The following CFH variants were observed in gnomAD, a reference collection of about 807,000 sequenced individuals.
CFH encodes complement factor H.
A neutral mutation model predicts 147.3 loss-of-function variants in CFH; 53 were observed. The observed-to-expected ratio is 0.36, with a 90% CI of 0.29 to 0.45. CFH has a LOEUF of 0.45. Among genes scored for constraint, CFH ranks in the 20% least tolerant of loss-of-function variants. The probability of loss-of-function intolerance (pLI) is 1.00; values close to 1 mark genes in which losing one functional copy is unlikely to be tolerated. For missense variants in CFH, 1,380 were observed against 1,498.0 expected (o/e 0.92, Z 1.30); for synonymous variants, 536 against 489.4 (o/e 1.10, Z -1.26).
At chr1:196,704,642 A>G (rs1169104772) in intron 9 of CFH, among the ~76,000 whole-genome samples, 1 of 152,200 alleles carries the variant, frequency 6.6e-6, no homozygotes, top group African/African-American at 2.4e-5. Context: ...AGTTTTGTGC[A>G]GGAGTGGCGC....
intron 9 of CFH, among the ~76,000 whole-genome samples, chr1:196,699,563 A>G (rs192867858): frequency 6.6e-6 from 1 of 152,308 alleles, no homozygotes; most frequent in East Asian, 1.9e-4. Flanking sequence ...TCATTTATAG[A>G]TTACGCTCTT....
At chr1:196,691,665 C>A (rs1444680496) in intron 9 of CFH, among the ~76,000 whole-genome samples, 1 of 151,744 alleles carries the variant, frequency 6.6e-6, no homozygotes, top group Non-Finnish European at 1.5e-5. Context: ...TATAAAATCT[C>A]TTTTAATTAT....
intron 6 of CFH, among the ~76,000 whole-genome samples, chr1:196,680,914 A>G (rs1425068676): frequency 6.6e-6 from 1 of 151,872 alleles, no homozygotes; most frequent in Non-Finnish European, 1.5e-5. Context: ...CTCTACTTTT[A>G]GGCACTGTTA....
chr1:196,673,091 T>G lies in CFH; in HGVS notation c.172T>G (p.Ser58Ala), dbSNP rs141336681. 601 of 1,614,012 alleles carry G rather than the reference T, an allele frequency of 3.7e-4. No homozygotes were observed. Among genetic ancestry groups the G allele is most frequent in the Admixed American group, 9.7e-4 (58 of 60,014 alleles). Residue 58 changes from serine (S) to alanine (A), a missense_variant, in exon 2 of 22, where the codon TCT (serine) becomes GCT (alanine). Ser to Ala is a moderately conservative substitution (Grantham distance 99). Transcript: ENST00000367429. Reference sequence around the variant, plus strand: ...CTATAAATGCCGCCCTGGATATAGATCTCTTGGAAATGTAATAATGGTATG... The same window carrying G: ...CTATAAATGCCGCCCTGGATATAGAGCTCTTGGAAATGTAATAATGGTATG... ...AIYKCRPGYR[S>A]LGNVIMVCRK...
At chr1:196,657,544 T>G (rs1051197572) in intron 1 of CFH, among the ~76,000 whole-genome samples, 1 of 152,236 alleles carries the variant, frequency 6.6e-6, no homozygotes, top group Non-Finnish European at 1.5e-5. Flanking sequence ...GTGCAGATTT[T>G]GGCCTGTGTG....
intron 1 of CFH, among the ~76,000 whole-genome samples, chr1:196,659,379 T>C (rs943844184): frequency 2.6e-5 from 4 of 152,136 alleles, no homozygotes; most frequent in Non-Finnish European, 4.4e-5. Context: ...AGCCCCCAAA[T>C]TGGGTCTTAG....
intron 15 of CFH, among the ~76,000 whole-genome samples, chr1:196,732,826 A>T (rs929257790): frequency 3.9e-5 from 6 of 152,076 alleles, no homozygotes; most frequent in Non-Finnish European, 8.8e-5. Flanking sequence ...TTCTATTTTC[A>T]TAGTGAAAGT....
chr1:196,690,917 G>A (rs1474910777), intron 9 of CFH, among the ~76,000 whole-genome samples: 1 of 152,088 alleles, frequency 6.6e-6, no homozygotes, highest in African/African-American at 2.4e-5. Flanking sequence ...AAAGGAAGAT[G>A]CACCTGCCAT....
At chr1:196,698,843 C>A (rs905664323) in intron 9 of CFH, among the ~76,000 whole-genome samples, 1 of 152,144 alleles carries the variant, frequency 6.6e-6, no homozygotes. Context: ...ACTGGCAAAG[C>A]AAATCCAGCA....
At chr1:196,681,729 C>T (rs761453028) in intron 6 of CFH, among the ~76,000 whole-genome samples, 1 of 151,768 alleles carries the variant, frequency 6.6e-6, no homozygotes, top group Non-Finnish European at 1.5e-5. Context: ...GTTAAGCATA[C>T]ACTCTCTCAC....
At chr1:196,746,319 C>T (rs1379328223) in intron 21 of CFH, among the ~76,000 whole-genome samples, 5 of 152,036 alleles carry the variant, frequency 3.3e-5, no homozygotes, top group African/African-American at 1.2e-4. Flanking sequence ...GGCATGGTGA[C>T]GGGCACCTGT....
chr1:196,714,692 G>T (rs1275612588), intron 10 of CFH, among the ~76,000 whole-genome samples: 29 of 112,604 alleles, frequency 2.6e-4, no homozygotes, highest in East Asian at 4.9e-4. Flanking sequence ...GAGAGAGAGA[G>T]AGAGAGAGAG....
At chr1:196,726,087 C>A (rs1669129816) in intron 12 of CFH, among the ~76,000 whole-genome samples, 1 of 152,122 alleles carries the variant, frequency 6.6e-6, no homozygotes, top group Admixed American at 6.5e-5. Context: ...ATATTCAATT[C>A]AGTTGCTTGT....
intron 12 of CFH, 63 bp from the exon 13 acceptor site, chr1:196,726,407 A>C: frequency 7.9e-7 from 1 of 1,261,950 alleles, no homozygotes; most frequent in Non-Finnish European, 1.1e-6. Flanking sequence ...TTTCCATTTT[A>C]CTGAATTTTT....
At chr1:196,739,106 G>T (rs535970353) in intron 17 of CFH, among the ~76,000 whole-genome samples, 1 of 152,300 alleles carries the variant, frequency 6.6e-6, no homozygotes, top group African/African-American at 2.4e-5. Flanking sequence ...AAGCAGCTGG[G>T]ATACAGTCCT....
intron 9 of CFH, among the ~76,000 whole-genome samples, chr1:196,702,175 G>A (rs973552314): frequency 1.3e-5 from 2 of 152,128 alleles, no homozygotes; most frequent in African/African-American, 4.8e-5. Flanking sequence ...ACTTTATGGG[G>A]GAGCTGCAGC....
intron 20 of CFH, among the ~76,000 whole-genome samples, chr1:196,744,209 T>C (rs1652922417): frequency 6.6e-6 from 1 of 152,070 alleles, no homozygotes; most frequent in Non-Finnish European, 1.5e-5. Context: ...AGACTCTACC[T>C]ATGTTTATTA....
In CFH at chr1:196,673,381, G is replaced by T. The variant is rs1369761570; in HGVS notation, c.244+218G>T. 1.1e-5 allele frequency: 6 copies of T among 543,044 alleles called. No individual in the cohort carries two copies. In the East Asian group the frequency reaches 1.7e-4, roughly 15 times the overall value. 33.6% of individuals were successfully genotyped at this position (543,044 alleles called of 1,614,324 possible). On this transcript the variant is annotated intron_variant, in intron 2 of 21. Transcript: ENST00000367429. ...GAGATGGAGTCTCCCTCTATCGCCT[G>T]GCTGGAGTGCAGTGGCGCTATTTCG... is the stretch of plus-strand genomic sequence containing the variant.
chr1:196,688,885 AC>A (rs1160814326), intron 7 of CFH, among the ~76,000 whole-genome samples: 1 of 152,174 alleles, frequency 6.6e-6, no homozygotes, highest in East Asian at 1.9e-4. Context: ...TGCTGGGATT[AC>A]AGGCGTGAGC....
Sources: gnomAD v4.1 joint callset for allele counts (sites outside exome capture counted in the v4.1 genomes callset) on GRCh38, gnomAD v4.1.1 for gene constraint, MANE v1.5 for transcripts, NCBI Gene and HGNC (gene_info 2026-07-23, HGNC 2026-07-21) for gene names.